TMPRSS2: variants seen among roughly 807,000 people sequenced by gnomAD.
TMPRSS2 encodes the protein transmembrane protease serine 2.
In TMPRSS2, 59 loss-of-function variants were observed where a neutral mutation model predicts 67.4. That is an observed-to-expected ratio of 0.88 (90% CI 0.71 to 1.09). The LOEUF is 1.09. Among genes scored for constraint, TMPRSS2 ranks in the 50% least tolerant of loss-of-function variants. The pLI is 0.00. For synonymous variants in TMPRSS2, 257 were observed against 257.0 expected (o/e 1.00, Z 0.00); for missense variants, 668 against 642.7 (o/e 1.04, Z -0.43).
chr21:41,489,850 A>G (rs2091322892), intron 3 of TMPRSS2, among the ~76,000 whole-genome samples: 1 of 152,156 alleles, frequency 6.6e-6, no homozygotes, highest in African/African-American at 2.4e-5. Flanking sequence ...GCTCTTTTAA[A>G]AAGTATGGTA....
chr21:41,486,746 T>C (rs1318106443), intron 5 of TMPRSS2: 1 of 152,128 alleles, frequency 6.6e-6, no homozygotes, highest in Non-Finnish European at 1.5e-5. Flanking sequence ...CAGGATCGTT[T>C]CCCTGTTCGA....
At position 41,478,689 on chromosome 21, in the gene TMPRSS2, C is replaced by T. The variant is rs763897568; in HGVS notation, c.683+483G>A. Among the ~76,000 whole-genome samples the T allele has an allele frequency of 1.3e-5, 2 of 152,110 alleles. No individual in the cohort carries two copies. The highest frequency in any genetic ancestry group is 2.4e-5 in the African/African-American group (1 of 41,412). ...AGAGCACCCTCTGGCACTGCTGTCC[C>T]GGGGTTGGGGCTAACGGGACCAGCC... On this transcript the variant is annotated intron_variant, in intron 7 of 13. Coordinates refer to ENST00000332149, the MANE Select transcript of TMPRSS2 (RefSeq NM_005656.4). The surrounding 1 kb of genome is among the most constrained non-coding windows in gnomAD (Gnocchi z 4.0).
chr21:41,507,897 C>A (rs374143750), intron 1 of TMPRSS2, 184 bp downstream of exon 1: 19 of 1,491,306 alleles, frequency 1.3e-5, no homozygotes, highest in East Asian at 8.6e-5. Context: ...CCCAGCACCC[C>A]GGGAGGCGCC....
intron 2 of TMPRSS2, among the ~76,000 whole-genome samples, chr21:41,497,873 G>A (rs900764236): frequency 2.0e-5 from 3 of 152,248 alleles, no homozygotes; most frequent in African/African-American, 7.2e-5. Flanking sequence ...AGGAAGGGAT[G>A]AGGTCAAGGT....
At chr21:41,467,365 G>A (rs1048921852) in intron 13 of TMPRSS2, among the ~76,000 whole-genome samples, 6 of 151,558 alleles carry the variant, frequency 4.0e-5, no homozygotes, top group Non-Finnish European at 4.4e-5. Context: ...CTCCAGCCTG[G>A]GCGACACAGT....
At chr21:41,503,390 T>C in intron 1 of TMPRSS2, among the ~76,000 whole-genome samples, 1 of 152,108 alleles carries the variant, frequency 6.6e-6, no homozygotes, top group East Asian at 1.9e-4. Context: ...ATCTGTAAAA[T>C]GGGGATGATA....
In TMPRSS2 at chr21:41,498,261, C is replaced by T. The variant is rs138094318; in HGVS notation, c.-56-72G>A. The T allele has an allele frequency of 8.5e-5, 88 of 1,035,770 alleles. 1 individual carries two copies. In the East Asian group the frequency reaches 2.2e-3, roughly 26 times the overall value. 64.2% of individuals were successfully genotyped at this position (1,035,770 alleles called of 1,614,324 possible). A position where few individuals can be genotyped will look rare whatever the true frequency, so the allele number is the denominator to read the frequency against. ...TTTTAGAAGATAAATCTGGAAAGAA[C>T]TAGAAGAATCTCTAGATGAAGGTTA... On this transcript the variant is annotated intron_variant, in intron 1 of 13. Coordinates refer to ENST00000332149, the MANE Select transcript of TMPRSS2 (RefSeq NM_005656.4).
chr21:41,495,113 C>G (rs1406687440), intron 2 of TMPRSS2, among the ~76,000 whole-genome samples: 1 of 151,360 alleles, frequency 6.6e-6, no homozygotes, highest in Non-Finnish European at 1.5e-5. Context: ...ACTACAGATT[C>G]TCCCTAGGTG....
At chr21:41,492,885 G>A (rs401371) in intron 3 of TMPRSS2, among the ~76,000 whole-genome samples, 2 of 152,072 alleles carry the variant, frequency 1.3e-5, no homozygotes, top group Non-Finnish European at 2.9e-5. Context: ...CATTTCTTAG[G>A]GGGGTAGCTC....
At chr21:41,480,638 C>T (rs950490496) in intron 5 of TMPRSS2, 36 bp from the exon 6 acceptor site, 15 of 1,599,956 alleles carry the variant, frequency 9.4e-6, no homozygotes, top group East Asian at 2.3e-5. Flanking sequence ...GAGTTTCTTT[C>T]TTTTTTTTTC....
chr21:41,502,330 C>A (rs1379486803), intron 1 of TMPRSS2: 1 of 970,370 alleles, frequency 1.0e-6, no homozygotes, highest in Non-Finnish European at 1.2e-6. Flanking sequence ...CTGACTCCCA[C>A]CCAAGATCCA....
At chr21:41,483,166 G>A (rs978705163) in intron 5 of TMPRSS2, among the ~76,000 whole-genome samples, 2 of 152,200 alleles carry the variant, frequency 1.3e-5, no homozygotes, top group African/African-American at 4.8e-5. Flanking sequence ...GTTCATAACA[G>A]GGCAACTGTG....
chr21:41,475,671 G>A (rs1185527960), intron 8 of TMPRSS2, among the ~76,000 whole-genome samples: 1 of 92,746 alleles, frequency 1.1e-5, no homozygotes, highest in East Asian at 3.6e-4. Flanking sequence ...GAGGGAGTGA[G>A]GGGGTGAGTG....
In TMPRSS2 at chr21:41,494,349, A is replaced by T. The variant is rs369598880; in HGVS notation, c.238+7T>A. On this transcript the variant is annotated splice_region_variant and intron_variant, in intron 3 of 13. Coordinates refer to ENST00000332149, the MANE Select transcript of TMPRSS2 (RefSeq NM_005656.4). ...ATTACAGGAAATAAACACAAAGAGAATCCTACTTGAGGTGCACACTGTCCC... is the reference window on the plus strand; with the variant it reads ...ATTACAGGAAATAAACACAAAGAGATTCCTACTTGAGGTGCACACTGTCCC... 4 of 1,611,282 alleles carry T rather than the reference A, an allele frequency of 2.5e-6. No individual in the cohort carries two copies. Among genetic ancestry groups the T allele is most frequent in the Non-Finnish European group, 3.4e-6 (4 of 1,179,408 alleles).
At chr21:41,484,769 A>C (rs2091282924) in intron 5 of TMPRSS2, among the ~76,000 whole-genome samples, 1 of 152,146 alleles carries the variant, frequency 6.6e-6, no homozygotes, top group Admixed American at 6.5e-5. Flanking sequence ...TGTGTGTTAC[A>C]GCAAAAGGAT....
At chr21:41,471,307 A>G (rs2091131631) in intron 10 of TMPRSS2, among the ~76,000 whole-genome samples, 1 of 152,206 alleles carries the variant, frequency 6.6e-6, no homozygotes, top group Non-Finnish European at 1.5e-5. Flanking sequence ...TTGGTTTTAG[A>G]ATGTATCTTT....
rs1020647640 is a variant in TMPRSS2 at position 41,465,660 on chromosome 21, C to A, written c.*482G>T. On this transcript the variant is annotated 3_prime_UTR_variant, in exon 14 of 14. Coordinates refer to ENST00000332149, the MANE Select transcript of TMPRSS2 (RefSeq NM_005656.4). ...TCCAGGGCTGCTAAGGCTCTAAGAA[C>A]CCATCAGCAAAATCCCCTTGTGGAG... is the stretch of plus-strand genomic sequence containing the variant. 2.1e-5 allele frequency: 5 copies of A among 243,620 alleles called. No individual in the cohort carries two copies. Among genetic ancestry groups the A allele is most frequent in the Non-Finnish European group, 4.0e-5 (5 of 125,430 alleles). The allele number at this position is 243,620 out of a possible 1,614,324, so 15.1% of individuals were successfully genotyped here.
At chr21:41,493,363 A>AG in intron 3 of TMPRSS2, among the ~76,000 whole-genome samples, 1 of 151,292 alleles carries the variant, frequency 6.6e-6, no homozygotes, top group Middle Eastern at 3.4e-3. Context: ...GTGAAGGGTG[A>AG]GGGGGTGAGA....
intron 8 of TMPRSS2, among the ~76,000 whole-genome samples, chr21:41,475,919 G>T (rs117888036): frequency 6.6e-6 from 1 of 151,858 alleles, no homozygotes; most frequent in Admixed American, 6.6e-5. Context: ...GGGATGGGAC[G>T]GTGTCAGCTC....
Sources: allele counts gnomAD v4.1 joint callset (sites outside exome capture counted in the v4.1 genomes callset), GRCh38; gene constraint gnomAD v4.1.1; non-coding constraint Gnocchi (gnomAD v3.1); transcripts MANE v1.5; gene names NCBI Gene and HGNC (gene_info 2026-07-23, HGNC 2026-07-21).